Variants in TAOK1 observed in about 807,000 individuals in gnomAD.
TAOK1 encodes the protein serine/threonine-protein kinase TAO1.
Under a neutral mutation model 138.3 loss-of-function variants are expected in TAOK1, and 21 were observed. The observed-to-expected ratio is 0.15, with a 90% CI of 0.11 to 0.22. The LOEUF (loss-of-function observed/expected upper bound fraction) is 0.22, where lower values mean the gene tolerates loss of function less well. Ranked by LOEUF, TAOK1 falls within the 10% of genes least tolerant of loss-of-function variation. The probability of loss-of-function intolerance (pLI) is 1.00; values close to 1 mark genes in which losing one functional copy is unlikely to be tolerated. For missense variants in TAOK1, 651 were observed against 1,227.7 expected, an observed-to-expected ratio of 0.53 and a Z score of 7.02; for synonymous variants, 361 against 398.4, an observed-to-expected ratio of 0.91 and a Z score of 1.12.
At chr17:29,435,661 C>T (rs1180522295) in intron 1 of TAOK1, among the ~76,000 whole-genome samples, 1 of 152,178 alleles carries the variant, frequency 6.6e-6, no homozygotes, top group African/African-American at 2.4e-5. Flanking sequence ...AGGTCACTTT[C>T]TCCATGGGGC....
intron 13 of TAOK1, among the ~76,000 whole-genome samples, chr17:29,503,375 G>A (rs1598511109): frequency 7.7e-6 from 1 of 130,684 alleles, no homozygotes; most frequent in Admixed American, 8.5e-5. Flanking sequence ...CATCCTGGGC[G>A]ACAGAGCAAG....
intron 8 of TAOK1, among the ~76,000 whole-genome samples, chr17:29,482,522 T>C (rs1038267888): frequency 2.6e-5 from 4 of 152,172 alleles, no homozygotes; most frequent in African/African-American, 9.7e-5. Context: ...ACTGTGGTTT[T>C]AATTAAGTTT....
At chr17:29,454,369 ATTC>A (rs1241691336) in intron 2 of TAOK1, among the ~76,000 whole-genome samples, 3 of 152,056 alleles carry the variant, frequency 2.0e-5, no homozygotes, top group South Asian at 2.1e-4. Context: ...CAACTTTGTT[ATTC>A]TTCTTAAGGT....
intron 4 of TAOK1, among the ~76,000 whole-genome samples, chr17:29,476,825 T>C (rs533195463): frequency 2.0e-5 from 3 of 152,202 alleles, no homozygotes; most frequent in East Asian, 3.9e-4. Flanking sequence ...TTTATTGTTA[T>C]ATTGTCATTT....
At chr17:29,482,958 A>G (rs902806219) in intron 8 of TAOK1, among the ~76,000 whole-genome samples, 2 of 152,180 alleles carry the variant, frequency 1.3e-5, no homozygotes, top group African/African-American at 4.8e-5. Flanking sequence ...GTGAGCCAAT[A>G]AACTGTCACT....
At chr17:29,436,286 A>G (rs1048086984) in intron 1 of TAOK1, among the ~76,000 whole-genome samples, 2 of 152,230 alleles carry the variant, frequency 1.3e-5, no homozygotes, top group African/African-American at 4.8e-5. Flanking sequence ...CAATTATTAA[A>G]GGCCGTAAAT....
intron 9 of TAOK1, among the ~76,000 whole-genome samples, chr17:29,491,054 A>G (rs2031286955): frequency 6.6e-6 from 1 of 152,240 alleles, no homozygotes; most frequent in Non-Finnish European, 1.5e-5. Flanking sequence ...TAGTTGATAC[A>G]TATAAGTAAA....
chr17:29,421,351 G>T (rs751735327), intron 1 of TAOK1, among the ~76,000 whole-genome samples: 2 of 152,230 alleles, frequency 1.3e-5, no homozygotes, highest in Admixed American at 6.5e-5. Context: ...TAAATGTTTT[G>T]TTGCAATTTT....
At chr17:29,487,246 C>CAAAAAAAAAAA (rs71138823) in intron 8 of TAOK1, among the ~76,000 whole-genome samples, 2 of 90,294 alleles carry the variant, frequency 2.2e-5, no homozygotes, top group African/African-American at 1.0e-4. Flanking sequence ...ACTGTGTCTC[C>CAAAAAAAAAAA]AAAAAAAAAA....
chr17:29,496,825 A>T (rs2031424821), intron 11 of TAOK1, among the ~76,000 whole-genome samples: 2 of 151,574 alleles, frequency 1.3e-5, no homozygotes, highest in South Asian at 4.2e-4. Context: ...GCCTCAAGTG[A>T]TTCATCTGCC....
At chr17:29,479,266 A>C (rs2031009072) in intron 6 of TAOK1, among the ~76,000 whole-genome samples, 1 of 152,106 alleles carries the variant, frequency 6.6e-6, no homozygotes, top group Non-Finnish European at 1.5e-5. Flanking sequence ...TATTTTTGGC[A>C]CTGGTATTGG....
chr17:29,489,801 A>G (rs1378226187), intron 9 of TAOK1, 44 bp downstream of exon 9: 2 of 1,370,798 alleles, frequency 1.5e-6, no homozygotes, highest in African/African-American at 3.0e-5. Context: ...TGAATAAATG[A>G]AATGCTTTTT....
At chr17:29,500,050 A>G (rs957083782) in intron 12 of TAOK1, among the ~76,000 whole-genome samples, 2 of 152,110 alleles carry the variant, frequency 1.3e-5, no homozygotes, top group Non-Finnish European at 2.9e-5. Flanking sequence ...GTAGAGGCCC[A>G]CCCCTGTAAT....
intron 1 of TAOK1, among the ~76,000 whole-genome samples, chr17:29,422,032 G>C (rs570894698): frequency 6.6e-6 from 1 of 151,768 alleles, no homozygotes; most frequent in African/African-American, 2.4e-5. Flanking sequence ...CGAGTAGCTG[G>C]GACTACAGGC....
Position 29,547,723 on chromosome 17 carries a change from C to T in TAOK1, c.*4701C>T, listed in dbSNP as rs538952047. 23 of 152,196 alleles carry T rather than the reference C, an allele frequency of 1.5e-4. No individual in the cohort carries two copies. The highest frequency in any genetic ancestry group is 5.3e-4 in the African/African-American group (22 of 41,552). 9.4% of individuals were successfully genotyped at this position (152,196 alleles called of 1,614,324 possible). A position where few individuals can be genotyped will look rare whatever the true frequency, so the allele number is the denominator to read the frequency against. On this transcript the variant is annotated 3_prime_UTR_variant, in exon 20 of 20. Transcript: ENST00000261716. Reference sequence around the variant, plus strand: ...CCATTATTGAAGAAAAACAAATTATCTATTTTGTTTTCCCCCATCTAACAT... The same window carrying T: ...CCATTATTGAAGAAAAACAAATTATTTATTTTGTTTTCCCCCATCTAACAT...
At position 29,451,481 on chromosome 17, in the gene TAOK1, A is replaced by G; in HGVS notation, c.-68A>G. ...AGTTTATGCCAACGTGACTTCATTC[A>G]TACAGATGAACCAAGGATCGGGATA... On this transcript the variant is annotated 5_prime_UTR_variant, in exon 2 of 20. Coordinates refer to ENST00000261716, the MANE Select transcript of TAOK1 (RefSeq NM_020791.4). 1 of 1,502,026 alleles carries G rather than the reference A, an allele frequency of 6.7e-7. No homozygotes were observed. The highest frequency in any genetic ancestry group is 8.9e-7 in the Non-Finnish European group (1 of 1,127,408). The allele number at this position is 1,502,026 out of a possible 1,614,324, so 93.0% of individuals were successfully genotyped here.
intron 1 of TAOK1, among the ~76,000 whole-genome samples, chr17:29,420,679 G>A (rs1278986280): frequency 1.4e-5 from 2 of 144,424 alleles, no homozygotes; most frequent in Admixed American, 7.3e-5. Flanking sequence ...TCCGCCTCCC[G>A]GGTTCAAGTG....
Position 29,458,883 on chromosome 17 carries a change from TA to T in TAOK1, c.132+7204del, listed in dbSNP as rs570447279. ...GTAATTTTATTTTATTTTTATTTTT[TA>T]TTTTTTTGTATTTTTAGTAGAGACA... On this transcript the variant is annotated intron_variant, in intron 2 of 19. Coordinates refer to ENST00000261716, the MANE Select transcript of TAOK1 (RefSeq NM_020791.4). Among the ~76,000 whole-genome samples the T allele has an allele frequency of 5.9e-5, 9 of 152,096 alleles. No individual in the cohort carries two copies. In the East Asian group the frequency reaches 1.5e-3, roughly 26 times the overall value.
At chr17:29,394,569 G>A (rs1904533540) in intron 1 of TAOK1, among the ~76,000 whole-genome samples, 1 of 152,072 alleles carries the variant, frequency 6.6e-6, no homozygotes, top group Non-Finnish European at 1.5e-5. Flanking sequence ...TGTCTTTCGT[G>A]TCTTTCACCT....
Sources: allele counts gnomAD v4.1 joint callset (sites outside exome capture counted in the v4.1 genomes callset), GRCh38; gene constraint gnomAD v4.1.1; transcripts MANE v1.5; gene names NCBI Gene and HGNC (gene_info 2026-07-23, HGNC 2026-07-21).